MICAL3: variants seen among roughly 807,000 people sequenced by gnomAD.
MICAL3 encodes [F-actin]-monooxygenase MICAL3.
A neutral mutation model predicts 207.4 loss-of-function variants in MICAL3; 62 were observed. That is an observed-to-expected ratio of 0.30 (90% confidence interval 0.24 to 0.37). MICAL3 has a LOEUF of 0.37. Ranked by LOEUF, MICAL3 falls within the 10% of genes least tolerant of loss-of-function variation. The probability of loss-of-function intolerance (pLI) is 1.00; values close to 1 mark genes in which losing one functional copy is unlikely to be tolerated. For missense variants in MICAL3, 2,368 were observed against 2,635.6 expected (o/e 0.90, Z 2.22); for synonymous variants, 1,077 against 1,069.3 (o/e 1.01, Z -0.14).
intron 1 of MICAL3, among the ~76,000 whole-genome samples, chr22:17,960,939 G>A (rs1411085303): frequency 6.6e-6 from 1 of 152,162 alleles, no homozygotes; most frequent in African/African-American, 2.4e-5. Flanking sequence ...CAACGAGACG[G>A]TGCGGGACCT....
rs546323569 is a variant in MICAL3 at position 17,818,197 on chromosome 22, C to T, written c.4464G>A (p.Pro1488=). 1.1e-5 allele frequency: 17 copies of T among 1,534,652 alleles called. No homozygotes were observed. The highest frequency in any genetic ancestry group is 7.4e-5 in the East Asian group (3 of 40,448). ...EAEPNASVVP[P]PLPATWMRPP... ...GCCGCATCCAGGTGGCGGGCAAGGG[C>T]GGCGGGACCACCGAGGCATTGGGCT... Residue 1488 remains proline, a synonymous_variant, in exon 26 of 32, where the codon CCG becomes CCA. Coordinates refer to ENST00000441493, the MANE Select transcript of MICAL3 (RefSeq NM_015241.3).
chr22:17,822,652 A>G (rs954480698), intron 23 of MICAL3, among the ~76,000 whole-genome samples: 1 of 152,234 alleles, frequency 6.6e-6, no homozygotes, highest in African/African-American at 2.4e-5. Context: ...ACTGCGATGC[A>G]GAACCCATCT....
At chr22:17,851,608 G>A (rs1925349546) in intron 19 of MICAL3, among the ~76,000 whole-genome samples, 1 of 152,202 alleles carries the variant, frequency 6.6e-6, no homozygotes, top group Admixed American at 6.5e-5. Context: ...TTGGTTTCCT[G>A]ATCTTAACAC....
chr22:17,871,341 A>G (rs1927704419), intron 17 of MICAL3, among the ~76,000 whole-genome samples: 2 of 152,186 alleles, frequency 1.3e-5, no homozygotes. Context: ...AATCCACCAG[A>G]GAGAGATCAG....
intron 1 of MICAL3, among the ~76,000 whole-genome samples, chr22:17,932,534 TAA>T (rs1409697234): frequency 2.6e-5 from 4 of 152,178 alleles, no homozygotes. Flanking sequence ...TGCCAAATTG[TAA>T]AGACTATCAA....
intron 20 of MICAL3, among the ~76,000 whole-genome samples, chr22:17,836,096 C>T (rs1298557966): frequency 2.6e-5 from 4 of 152,224 alleles, no homozygotes; most frequent in Non-Finnish European, 4.4e-5. Flanking sequence ...CTGAATTTCC[C>T]CCCAGCTGTC....
chr22:18,017,239 G>C (rs1418125534), intron 1 of MICAL3, among the ~76,000 whole-genome samples: 2 of 150,276 alleles, frequency 1.3e-5, no homozygotes, highest in South Asian at 4.2e-4. Context: ...TTGAGACGGA[G>C]TCTCGCTCTT....
intron 1 of MICAL3, among the ~76,000 whole-genome samples, chr22:17,933,664 A>G (rs1264777990): frequency 1.3e-5 from 2 of 152,164 alleles, no homozygotes; most frequent in African/African-American, 4.8e-5. Context: ...GAAACCCTTC[A>G]AAAAAATCAA....
At position 17,841,919 on chromosome 22, in the gene MICAL3, G is replaced by T; in HGVS notation, c.2704C>A (p.Gln902Lys). ...ELENYRLSLR[Q>K]AEALQEVPEE... Reference sequence around the variant, plus strand: ...GGTACCTCCTGCAGTGCCTCAGCCTGCCTCAGGGACAGGCGGTAGTTCTCC... The same window carrying T: ...GGTACCTCCTGCAGTGCCTCAGCCTTCCTCAGGGACAGGCGGTAGTTCTCC... Residue 902 changes from glutamine to lysine, a missense_variant, in exon 20 of 32, where the codon CAG becomes AAG. Coordinates refer to ENST00000441493, the MANE Select transcript of MICAL3 (RefSeq NM_015241.3). This position sits in a 1 kb window ranked among gnomAD's most constrained non-coding sequence, Gnocchi z 4.2. 1 of 1,598,220 alleles carries T rather than the reference G, an allele frequency of 6.3e-7. No individual in the cohort carries two copies. Among genetic ancestry groups the T allele is most frequent in the Non-Finnish European group, 8.5e-7 (1 of 1,174,052 alleles).
intron 16 of MICAL3, chr22:17,876,663 T>C (rs980608809): frequency 2.7e-5 from 4 of 149,732 alleles, no homozygotes; most frequent in Non-Finnish European, 4.4e-5. Flanking sequence ...TAGGACTGGG[T>C]AGAGGTGGGG....
chr22:17,984,768 T>C (rs1443526764), intron 1 of MICAL3, among the ~76,000 whole-genome samples: 2 of 152,216 alleles, frequency 1.3e-5, no homozygotes, highest in Non-Finnish European at 2.9e-5. Context: ...TTTATAAATA[T>C]AAATTCATTT....
Position 17,865,906 on chromosome 22 carries a change from C to T in MICAL3, c.2517+18G>A, listed in dbSNP as rs374306103. On this transcript the variant is annotated intron_variant, in intron 18 of 31. Coordinates refer to ENST00000441493, the MANE Select transcript of MICAL3 (RefSeq NM_015241.3). ...ACACCCACTGCTTCTCCCCCACTTA[C>T]AGGAGAGTCACCATTACCTTTCCAG... 8 of 1,601,100 alleles carry T rather than the reference C, an allele frequency of 5.0e-6. No individual in the cohort carries two copies. The highest frequency in any genetic ancestry group is 3.3e-5 in the Admixed American group (2 of 59,994).
rs550599429 is a variant in MICAL3 at position 17,827,744 on chromosome 22, C to T, written c.3093G>A (p.Ala1031=). The T allele has an allele frequency of 2.4e-5, 38 of 1,560,040 alleles. No homozygotes were observed. Among genetic ancestry groups the T allele is most frequent in the South Asian group, 1.3e-4 (11 of 84,552 alleles). ...NQRLQQVMHA[A]DPLEIQADVH... is the part of the protein sequence containing the mutation. ...CGTCAGCCTGGATCTCCAGAGGATCCGCCGCGTGCATGACCTGCTGGAGCC... is the reference window on the plus strand; with the variant it reads ...CGTCAGCCTGGATCTCCAGAGGATCTGCCGCGTGCATGACCTGCTGGAGCC... Residue 1031 remains alanine, a synonymous_variant, in exon 22 of 32, where the codon GCG becomes GCA. Transcript: ENST00000441493.
chr22:17,892,634 T>A (rs893075652), intron 11 of MICAL3, among the ~76,000 whole-genome samples: 3 of 152,194 alleles, frequency 2.0e-5, no homozygotes, highest in African/African-American at 7.2e-5. Flanking sequence ...AACCATCCAA[T>A]ATGTAACAGG....
In MICAL3 at chr22:17,904,617, G is replaced by C. The variant is rs1253591738; in HGVS notation, c.472+15C>G. The C allele has an allele frequency of 6.2e-7, 1 of 1,600,838 alleles. No homozygotes were observed. Among genetic ancestry groups the C allele is most frequent in the Non-Finnish European group, 8.6e-7 (1 of 1,169,054 alleles). On this transcript the variant is annotated intron_variant, in intron 3 of 31. Coordinates refer to ENST00000441493, the MANE Select transcript of MICAL3 (RefSeq NM_015241.3). ...GGGTAGGGTGGAATCTTACAGGAAA[G>C]CTAGTTTTACTTACTGATATGGTCG...
At chr22:17,903,754 G>T (rs1182358851) in intron 3 of MICAL3, among the ~76,000 whole-genome samples, 3 of 152,190 alleles carry the variant, frequency 2.0e-5, no homozygotes, top group Non-Finnish European at 1.5e-5. Flanking sequence ...AGTGGAATGT[G>T]GTCACTGCCA....
intron 13 of MICAL3, among the ~76,000 whole-genome samples, chr22:17,888,527 C>T (rs5746490): frequency 0.23 from 34,220 of 151,962 alleles, 3,862 homozygotes; most frequent in East Asian, 0.27. Flanking sequence ...GATAATTCCA[C>T]GAAAAGGGAC....
chr22:17,853,379 A>G (rs1925541564), intron 19 of MICAL3, among the ~76,000 whole-genome samples: 1 of 152,150 alleles, frequency 6.6e-6, no homozygotes, highest in Non-Finnish European at 1.5e-5. Flanking sequence ...CTGAAGATAT[A>G]TCTCAACGGG....
intron 1 of MICAL3, among the ~76,000 whole-genome samples, chr22:17,992,942 G>T (rs2146466718): frequency 6.6e-6 from 1 of 152,272 alleles, no homozygotes; most frequent in East Asian, 1.9e-4. Context: ...TCTGGCCACG[G>T]TAAGGCGAAG....
Sources: allele counts gnomAD v4.1 joint callset (sites outside exome capture counted in the v4.1 genomes callset), GRCh38; gene constraint gnomAD v4.1.1; non-coding constraint Gnocchi (gnomAD v3.1); transcripts MANE v1.5; gene names NCBI Gene and HGNC (gene_info 2026-07-23, HGNC 2026-07-21).